Variants in UPRT observed in about 807,000 individuals in gnomAD.
UPRT encodes the protein uracil phosphoribosyltransferase homolog, also known as RP11-311P8.3.
A neutral mutation model predicts 22.6 loss-of-function variants in UPRT; 5 were observed. The observed-to-expected ratio is 0.22, with a 90% CI of 0.12 to 0.47. The LOEUF (loss-of-function observed/expected upper bound fraction) is 0.47, where lower values mean the gene tolerates loss of function less well. Ranked by LOEUF, UPRT falls within the 20% of genes least tolerant of loss-of-function variation. The probability of loss-of-function intolerance (pLI) is 0.99; values close to 1 mark genes in which losing one functional copy is unlikely to be tolerated. For synonymous variants in UPRT, 77 were observed against 87.7 expected (o/e 0.88, Z 0.68); for missense variants, 181 against 239.9 (o/e 0.75, Z 1.62).
At chrX:75,211,477 T>C (rs1157547752) in intron 4 of UPRT, among the ~76,000 whole-genome samples, 1 of 111,323 alleles carries the variant, frequency 9.0e-6, no homozygotes, top group African/African-American at 3.3e-5. Context: ...AAAGGGAGAC[T>C]CACCCACTAA....
chrX:75,194,728 G>A (rs778007761), intron 4 of UPRT, among the ~76,000 whole-genome samples: 2 of 111,221 alleles, frequency 1.8e-5, no homozygotes, highest in South Asian at 3.9e-4. Context: ...GATGGTCTCC[G>A]TGCATAGTTT....
At chrX:75,246,804 G>T (rs920514856) in intron 4 of UPRT, among the ~76,000 whole-genome samples, 1 of 111,898 alleles carries the variant, frequency 8.9e-6, no homozygotes. Context: ...TCTAACTGGT[G>T]TGAGATGGTA....
At chrX:75,225,864 C>T (rs1225736853) in intron 4 of UPRT, among the ~76,000 whole-genome samples, 3 of 110,957 alleles carry the variant, frequency 2.7e-5, no homozygotes, top group Admixed American at 9.6e-5. Context: ...CTCAAATGTA[C>T]ATCTCCAAGG....
At chrX:75,284,242 C>A (rs2082670583) in intron 1 of UPRT, among the ~76,000 whole-genome samples, 1 of 111,555 alleles carries the variant, frequency 9.0e-6, no homozygotes. Context: ...CTTTGCCTTT[C>A]TCTGGTGCCT....
intron 1 of UPRT, among the ~76,000 whole-genome samples, chrX:75,288,623 C>T (rs977084097): frequency 8.9e-6 from 1 of 111,780 alleles, no homozygotes. Context: ...ATAAAGTATA[C>T]CATCCATTTA....
intron 4 of UPRT, among the ~76,000 whole-genome samples, chrX:75,196,960 G>T (rs1252931009): frequency 9.0e-6 from 1 of 111,563 alleles, no homozygotes; most frequent in Admixed American, 9.5e-5. Flanking sequence ...TAGTAAATCG[G>T]GCTTCGTTTT....
At chrX:75,173,051 T>C (rs930086336) in intron 4 of UPRT, among the ~76,000 whole-genome samples, 2 of 111,351 alleles carry the variant, frequency 1.8e-5, no homozygotes, top group African/African-American at 6.5e-5. Flanking sequence ...GGGCGCTGAT[T>C]GGGGTGTTTA....
At chrX:75,210,687 G>T (rs1326560722) in intron 4 of UPRT, among the ~76,000 whole-genome samples, 1 of 107,531 alleles carries the variant, frequency 9.3e-6, no homozygotes, top group Non-Finnish European at 1.9e-5. Context: ...CCGAGGGAGG[G>T]GGATTGTTTG....
At chrX:75,203,516 TCACACACACA>T (rs368566812) in intron 4 of UPRT, among the ~76,000 whole-genome samples, 22 of 64,611 alleles carry the variant, frequency 3.4e-4, no homozygotes, top group Non-Finnish European at 5.3e-4. Context: ...ACACACACAC[TCACACACACA>T]CACACACACA....
Position 75,203,978 on chromosome X carries a change from G to C in UPRT, c.-447+36099G>C, listed in dbSNP as rs760918880. Reference sequence around the variant, plus strand: ...TTGCTTCCTGCTGAATAGGGGCCCTGTAATCAGGGTTTGGGTTTTTAAGCA... The same window carrying C: ...TTGCTTCCTGCTGAATAGGGGCCCTCTAATCAGGGTTTGGGTTTTTAAGCA... On this transcript the variant is annotated intron_variant, in intron 4 of 13. Transcript: ENST00000652605. Among the ~76,000 whole-genome samples, 4 of 110,697 alleles carry C rather than the reference G, an allele frequency of 3.6e-5. No homozygotes were observed. In the South Asian group the frequency reaches 1.6e-3, roughly 44 times the overall value.
chrX:75,207,290 GTTCTGCCTGTTGAGAGGTAA>G (rs1188126775), intron 4 of UPRT, among the ~76,000 whole-genome samples: 1 of 112,438 alleles, frequency 8.9e-6, no homozygotes, highest in Admixed American at 9.4e-5. Flanking sequence ...TTTACAGGTA[GTTCTGCCTGTTGAGAGGTAA>G]TTCTGCCTGT....
chrX:75,207,083 T>C (rs1329074482), intron 4 of UPRT, among the ~76,000 whole-genome samples: 1 of 112,503 alleles, frequency 8.9e-6, no homozygotes, highest in African/African-American at 3.2e-5. Context: ...CCTGTAGTTG[T>C]AGTTTAGCTG....
intron 1 of UPRT, among the ~76,000 whole-genome samples, chrX:75,286,313 G>GGC (rs1314152615): frequency 1.2e-5 from 1 of 82,081 alleles, no homozygotes; most frequent in Admixed American, 1.6e-4. Flanking sequence ...ACTTGGGGGG[G>GGC]GGGTGGGTCC....
chrX:75,300,919 T>G lies in UPRT; in HGVS notation c.777T>G (p.Val259=). The change falls in exon 6 of 7, where the codon GTT becomes GTG. Residue 259 remains valine, a synonymous_variant. Coordinates refer to ENST00000373383, the MANE Select transcript of UPRT (RefSeq NM_145052.4). ...EAVKVLIEHG[V]QPSVIILLSL... ...TAAAGGTTCTTATAGAACATGGAGTTCAACCCAGTGTTATCATCCTACTCA... is the reference window on the plus strand; with the variant it reads ...TAAAGGTTCTTATAGAACATGGAGTGCAACCCAGTGTTATCATCCTACTCA... 5.0e-6 allele frequency: 6 copies of G among 1,210,618 alleles called. No homozygotes were observed. The highest frequency in any genetic ancestry group is 6.7e-6 in the Non-Finnish European group (6 of 894,856).
At position 75,247,880 on chromosome X, in the gene UPRT, A is replaced by G. The variant is rs756604341; in HGVS notation, c.-446-43144A>G. Among the ~76,000 whole-genome samples, 11 of 111,834 alleles carry G rather than the reference A, an allele frequency of 9.8e-5. No individual in the cohort carries two copies. The East Asian group carries it at 2.8e-3, about 29-fold the overall frequency. Reference sequence around the variant, plus strand: ...GGTACTCCTCTGAGACAAAACTTCCAGAGGAACGATCAGGCAGCAGCATTT... The same window carrying G: ...GGTACTCCTCTGAGACAAAACTTCCGGAGGAACGATCAGGCAGCAGCATTT... On this transcript the variant is annotated intron_variant, in intron 4 of 13. Transcript: ENST00000652605.
intron 4 of UPRT, among the ~76,000 whole-genome samples, chrX:75,209,184 A>C: frequency 9.0e-6 from 1 of 110,663 alleles, no homozygotes; most frequent in Middle Eastern, 4.6e-3. Flanking sequence ...ATTCTGGTAA[A>C]ACCGAGTAAC....
At chrX:75,257,908 G>A (rs1444758724) in intron 4 of UPRT, among the ~76,000 whole-genome samples, 1 of 111,380 alleles carries the variant, frequency 9.0e-6, no homozygotes, top group Non-Finnish European at 1.9e-5. Context: ...CACTGGGACT[G>A]GTTGGACAGT....
At chrX:75,292,130 G>A (rs1164411744) in intron 1 of UPRT, among the ~76,000 whole-genome samples, 1 of 111,769 alleles carries the variant, frequency 8.9e-6, no homozygotes, top group East Asian at 2.8e-4. Flanking sequence ...CTTCTTTCTT[G>A]TTGAAAAACT....
intron 4 of UPRT, among the ~76,000 whole-genome samples, chrX:75,184,581 T>C (rs2082282499): frequency 1.8e-5 from 2 of 108,265 alleles, no homozygotes; most frequent in Admixed American, 2.0e-4. Context: ...GGTAGCTTGA[T>C]GGGGATGGCA....
Sources: allele counts gnomAD v4.1 joint callset (sites outside exome capture counted in the v4.1 genomes callset), GRCh38; gene constraint gnomAD v4.1.1; transcripts MANE v1.5; gene names NCBI Gene and HGNC (gene_info 2026-07-23, HGNC 2026-07-21).